Variants in RBFOX1 observed in about 807,000 individuals in gnomAD.
The protein encoded by RBFOX1 is RNA binding protein fox-1 homolog 1.
RBFOX1 carries 8 observed loss-of-function variants against 57.7 expected under a neutral mutation model. The observed-to-expected ratio is 0.14, with a 90% CI of 0.08 to 0.25. The LOEUF (loss-of-function observed/expected upper bound fraction) is 0.25, where lower values mean the gene tolerates loss of function less well. RBFOX1 is among the 10% of genes least tolerant of loss of function. RBFOX1 has a pLI of 1.00. For synonymous variants in RBFOX1, 326 were observed against 222.4 expected, an observed-to-expected ratio of 1.47 and a Z score of -4.15; for missense variants, 611 against 548.5, an observed-to-expected ratio of 1.11 and a Z score of -1.14.
At chr16:6,428,679 C>G (rs1391420399) in intron 2 of RBFOX1, among the ~76,000 whole-genome samples, 1 of 152,176 alleles carries the variant, frequency 6.6e-6, no homozygotes, top group Non-Finnish European at 1.5e-5. Flanking sequence ...CTAAAAGCAG[C>G]TCACGTCCTG....
intron 1 of RBFOX1, among the ~76,000 whole-genome samples, chr16:6,093,857 C>T (rs1486450): frequency 0.86 from 131,277 of 151,770 alleles, 56,995 homozygotes; most frequent in South Asian, 0.9. Flanking sequence ...TAGGCTCAAG[C>T]AATTCTCCCT....
intron 3 of RBFOX1, among the ~76,000 whole-genome samples, chr16:5,756,497 C>G (rs1166454972): frequency 6.6e-6 from 1 of 152,124 alleles, no homozygotes; most frequent in Non-Finnish European, 1.5e-5. Flanking sequence ...TTCTTACCTC[C>G]TTCTCCATCC....
chr16:6,609,956 C>G (rs564286609), intron 2 of RBFOX1, among the ~76,000 whole-genome samples: 1 of 151,890 alleles, frequency 6.6e-6, no homozygotes, highest in Non-Finnish European at 1.5e-5. Context: ...TGCCGTGAGC[C>G]GAGATCACGC....
chr16:7,251,904 C>A (rs188825585), intron 4 of RBFOX1, among the ~76,000 whole-genome samples: 6 of 152,264 alleles, frequency 3.9e-5, no homozygotes, highest in East Asian at 3.9e-4. Context: ...TTTTAAGGAA[C>A]CTCCATACCA....
intron 4 of RBFOX1, among the ~76,000 whole-genome samples, chr16:5,870,295 G>A (rs944523755): frequency 4.7e-5 from 7 of 150,406 alleles, no homozygotes; most frequent in African/African-American, 9.8e-5. Flanking sequence ...ATGTATTTAC[G>A]GAGGTAACCA....
At chr16:7,273,826 T>C (rs147231276) in intron 4 of RBFOX1, among the ~76,000 whole-genome samples, 12 of 152,348 alleles carry the variant, frequency 7.9e-5, no homozygotes, top group African/African-American at 1.7e-4. Flanking sequence ...GCTGGATTGG[T>C]TTGCCTTTCT....
At chr16:5,486,761 C>G (rs2042642488) in intron 2 of RBFOX1, among the ~76,000 whole-genome samples, 1 of 152,002 alleles carries the variant, frequency 6.6e-6, no homozygotes, top group African/African-American at 2.4e-5. Context: ...CATTTCTGAG[C>G]TTGGAGCATT....
intron 3 of RBFOX1, among the ~76,000 whole-genome samples, chr16:6,702,437 C>G (rs1199522044): frequency 1.3e-5 from 2 of 152,054 alleles, no homozygotes; most frequent in Admixed American, 6.6e-5. Flanking sequence ...GCCTGTAATC[C>G]CAGCTACTTG....
chr16:7,303,382 G>A (rs921201818), intron 4 of RBFOX1, among the ~76,000 whole-genome samples: 1 of 152,156 alleles, frequency 6.6e-6, no homozygotes, highest in Non-Finnish European at 1.5e-5. Context: ...CCTTTTCTGT[G>A]TTTATTTGGC....
chr16:6,124,628 G>C (rs892512548), intron 1 of RBFOX1, among the ~76,000 whole-genome samples: 1 of 152,022 alleles, frequency 6.6e-6, no homozygotes, highest in Non-Finnish European at 1.5e-5. Flanking sequence ...TCAGCCTTCC[G>C]AGTAGTGAGG....
intron 3 of RBFOX1, among the ~76,000 whole-genome samples, chr16:5,834,577 CATAGATAGATAG>C (rs141276552): frequency 3.8e-4 from 56 of 147,494 alleles, no homozygotes; most frequent in South Asian, 8.8e-4. Flanking sequence ...GTGCATGTGT[CATAGATAGATAG>C]ATAGATAGAT....
rs556483517 is a variant in RBFOX1 at position 6,886,821 on chromosome 16, A to G, written c.-15-165236A>G. Among the ~76,000 whole-genome samples, 10 of 152,242 alleles carry G rather than the reference A, an allele frequency of 6.6e-5. 1 individual carries two copies. The South Asian group carries it at 2.1e-3, about 32-fold the overall frequency. On this transcript the variant is annotated intron_variant, in intron 3 of 15. Coordinates refer to ENST00000550418, the MANE Select transcript of RBFOX1 (RefSeq NM_018723.4). ...AGAAAAAAAAAGAATGAAAATGTGA[A>G]GAAACGTTTGCTTTAGAATCAGTGA...
intron 1 of RBFOX1, among the ~76,000 whole-genome samples, chr16:6,125,610 C>T (rs1328550875): frequency 6.6e-6 from 1 of 152,192 alleles, no homozygotes; most frequent in Non-Finnish European, 1.5e-5. Context: ...GTACCCAAAG[C>T]AGATGCAGCC....
intron 10 of RBFOX1, among the ~76,000 whole-genome samples, chr16:7,629,770 C>T (rs2060640149): frequency 6.6e-6 from 1 of 152,202 alleles, no homozygotes; most frequent in Non-Finnish European, 1.5e-5. Flanking sequence ...CAAGGATGAA[C>T]CCAGTGCCCT....
At chr16:6,071,333 GAAAC>G (rs2095835353) in intron 1 of RBFOX1, among the ~76,000 whole-genome samples, 1 of 152,066 alleles carries the variant, frequency 6.6e-6, no homozygotes, top group South Asian at 2.1e-4. Flanking sequence ...AAACCAACAG[GAAAC>G]AAACAAAGAA....
chr16:7,260,045 A>G (rs2094855974), intron 4 of RBFOX1, among the ~76,000 whole-genome samples: 1 of 152,184 alleles, frequency 6.6e-6, no homozygotes, highest in Non-Finnish European at 1.5e-5. Flanking sequence ...AAGCTCCATA[A>G]GAACAGAGAC....
chr16:5,928,650 C>A (rs1206364151), intron 4 of RBFOX1, among the ~76,000 whole-genome samples: 2 of 151,526 alleles, frequency 1.3e-5, no homozygotes, highest in Non-Finnish European at 2.9e-5. Flanking sequence ...TACACCAGAG[C>A]CGATGCTGAC....
chr16:6,251,518 T>C (rs1193059877), intron 1 of RBFOX1, among the ~76,000 whole-genome samples: 1 of 152,012 alleles, frequency 6.6e-6, no homozygotes, highest in East Asian at 1.9e-4. Flanking sequence ...ATACATGGGT[T>C]TGGGGCTCTT....
intron 4 of RBFOX1, among the ~76,000 whole-genome samples, chr16:7,208,302 C>T (rs1200286465): frequency 1.3e-5 from 2 of 152,272 alleles, no homozygotes; most frequent in Non-Finnish European, 2.9e-5. Context: ...GACAGTTTGT[C>T]TTAGTTCACT....
Sources: gnomAD v4.1 joint callset for allele counts (sites outside exome capture counted in the v4.1 genomes callset) on GRCh38, gnomAD v4.1.1 for gene constraint, MANE v1.5 for transcripts, NCBI Gene and HGNC (gene_info 2026-07-23, HGNC 2026-07-21) for gene names.